The following SERINC5 variants were observed in gnomAD, a reference collection of about 807,000 sequenced individuals.
The protein encoded by SERINC5 is chromosome 5 open reading frame 12.
Under a neutral mutation model 63.1 loss-of-function variants are expected in SERINC5, and 41 were observed. That is an observed-to-expected ratio of 0.65 (90% confidence interval 0.51 to 0.84). SERINC5 has a LOEUF of 0.84. SERINC5 is among the 40% of genes least tolerant of loss of function. The pLI, the probability that SERINC5 is intolerant of heterozygous loss-of-function variation, is 0.00. For synonymous variants in SERINC5, 222 were observed against 215.2 expected (o/e 1.03, Z -0.28); for missense variants, 523 against 573.0 (o/e 0.91, Z 0.89).
intron 5 of SERINC5, among the ~76,000 whole-genome samples, chr5:80,169,845 A>G (rs1416332390): frequency 1.3e-5 from 2 of 152,258 alleles, no homozygotes; most frequent in East Asian, 3.9e-4. Flanking sequence ...TGTCAACCCA[A>G]ATGAGAGACT....
At chr5:80,155,339 C>A (rs1326760867) in intron 8 of SERINC5, among the ~76,000 whole-genome samples, 1 of 152,048 alleles carries the variant, frequency 6.6e-6, no homozygotes, top group African/African-American at 2.4e-5. Context: ...CCAAGGCGGG[C>A]GGATCACCTG....
At chr5:80,163,713 A>G (rs1347371023) in intron 7 of SERINC5, among the ~76,000 whole-genome samples, 4 of 152,204 alleles carry the variant, frequency 2.6e-5, no homozygotes, top group African/African-American at 9.6e-5. Context: ...CATCCATGGT[A>G]TAATACCCAC....
Position 80,158,862 on chromosome 5 carries a change from G to C in SERINC5, c.960C>G (p.Leu320=). The change falls in exon 8 of 12, where the codon CTC becomes CTG. Residue 320 remains leucine (L), a synonymous_variant. Coordinates refer to ENST00000507668, the MANE Select transcript of SERINC5 (RefSeq NM_001174072.3). ...ATGAATACAAGATACATCCGATTAAGAGGCTGGTCCCCAGTATAGTCACCA... is the reference window on the plus strand; with the variant it reads ...ATGAATACAAGATACATCCGATTAACAGGCTGGTCCCCAGTATAGTCACCA... ...ENLVTILGTS[L]LIGCILYSCL... The C allele has an allele frequency of 6.2e-7, 1 of 1,613,628 alleles. No homozygotes were observed. The highest frequency in any genetic ancestry group is 8.5e-7 in the Non-Finnish European group (1 of 1,179,784).
intron 9 of SERINC5, 26 bp downstream of exon 9, chr5:80,150,856 A>C (rs1254863763): frequency 2.6e-6 from 4 of 1,535,276 alleles, no homozygotes; most frequent in Non-Finnish European, 3.6e-6. Flanking sequence ...GAGATGAAGC[A>C]GGACAGGAAA....
intron 2 of SERINC5, among the ~76,000 whole-genome samples, chr5:80,182,427 T>C (rs919210203): frequency 6.6e-6 from 1 of 152,108 alleles, no homozygotes; most frequent in African/African-American, 2.4e-5. Flanking sequence ...CAGACGTTTA[T>C]TCACCATACA....
intron 4 of SERINC5, 139 bp downstream of exon 4, chr5:80,177,176 G>GT (rs1192346621): frequency 3.3e-4 from 205 of 616,368 alleles, no homozygotes; most frequent in Non-Finnish European, 4.9e-4. Context: ...GTATGGGCAG[G>GT]TAAGTCAGGA....
chr5:80,177,124 G>A (rs551386658), intron 4 of SERINC5, among the ~76,000 whole-genome samples, 191 bp downstream of exon 4: 177 of 152,284 alleles, frequency 1.2e-3, no homozygotes, highest in African/African-American at 4.1e-3. Flanking sequence ...AGTGGGATGC[G>A]GTGGTGAGAA....
rs754565194 is a variant in SERINC5, at chr5:80,138,737, CAGAT to C, written c.*4922_*4925del. On this transcript the variant is annotated 3_prime_UTR_variant, in exon 12 of 12. Transcript: ENST00000507668. Reference sequence around the variant, plus strand: ...TTTCAAAACATCATGTTGCACACCACAGATATATATCTTTTATTTGTCAATTAAA... The same window carrying C: ...TTTCAAAACATCATGTTGCACACCACATATATCTTTTATTTGTCAATTAAA... The C allele has an allele frequency of 2.1e-5, 17 of 823,344 alleles. No individual in the cohort carries two copies. Among genetic ancestry groups the C allele is most frequent in the Non-Finnish European group, 2.5e-5 (17 of 682,446 alleles). The allele number at this position is 823,344 out of a possible 1,614,324, so 51.0% of individuals were successfully genotyped here.
At position 80,238,405 on chromosome 5, in the gene SERINC5, T is replaced by C. The variant is rs143533435; in HGVS notation, c.27+17491A>G. On this transcript the variant is annotated intron_variant, in intron 1 of 11. Coordinates refer to ENST00000507668, the MANE Select transcript of SERINC5 (RefSeq NM_001174072.3). ...GCATAGAGCAGAACTTTCTGGAAAATAACTTAAACAACTGCTTGAGAGTTT... is the reference window on the plus strand; with the variant it reads ...GCATAGAGCAGAACTTTCTGGAAAACAACTTAAACAACTGCTTGAGAGTTT... 2.5e-4 allele frequency among the ~76,000 whole-genome samples: 38 copies of C among 152,188 alleles called. No homozygotes were observed. In the East Asian group the frequency reaches 6.6e-3, roughly 26 times the overall value.
At chr5:80,181,418 G>T (rs920006831) in intron 2 of SERINC5, among the ~76,000 whole-genome samples, 4 of 131,618 alleles carry the variant, frequency 3.0e-5, no homozygotes, top group Non-Finnish European at 5.4e-5. Context: ...AGCTAATTTT[G>T]TGTGTGTGTG....
chr5:80,209,628 C>T (rs959724712), intron 1 of SERINC5, among the ~76,000 whole-genome samples: 8 of 152,174 alleles, frequency 5.3e-5, no homozygotes, highest in Non-Finnish European at 1.0e-4. Flanking sequence ...GAGGAACAGG[C>T]CTAGATGTGG....
chr5:80,234,265 T>C (rs759355154), intron 1 of SERINC5, among the ~76,000 whole-genome samples: 5 of 152,236 alleles, frequency 3.3e-5, no homozygotes, highest in Admixed American at 2.6e-4. Flanking sequence ...TGACAAAGAC[T>C]GATCTGACAG....
At chr5:80,227,920 T>C (rs1049649129) in intron 1 of SERINC5, among the ~76,000 whole-genome samples, 1 of 151,704 alleles carries the variant, frequency 6.6e-6, no homozygotes, top group Non-Finnish European at 1.5e-5. Context: ...TTCTGGACTT[T>C]GGTTAAAAGT....
intron 6 of SERINC5, among the ~76,000 whole-genome samples, chr5:80,169,130 G>A (rs941327597): frequency 6.6e-6 from 1 of 152,098 alleles, no homozygotes. Flanking sequence ...GGTCTTTCTC[G>A]ACATGAGAAA....
downstream of SERINC5, among the ~76,000 whole-genome samples, chr5:80,134,455 C>A (rs745485184): frequency 3.9e-5 from 6 of 152,170 alleles, no homozygotes; most frequent in Non-Finnish European, 7.4e-5. Context: ...CACTGCACTC[C>A]AGCCTGGGTG....
At chr5:80,255,811 C>T in intron 1 of SERINC5, 85 bp downstream of exon 1, 3 of 1,404,482 alleles carry the variant, frequency 2.1e-6, no homozygotes, top group Non-Finnish European at 2.9e-6. Context: ...GAGCTGGGAG[C>T]GCACCCAGGC....
At chr5:80,165,190 T>TA (rs1441121995) in intron 7 of SERINC5, among the ~76,000 whole-genome samples, 1 of 152,004 alleles carries the variant, frequency 6.6e-6, no homozygotes, top group African/African-American at 2.4e-5. Flanking sequence ...AGAGTCAAGA[T>TA]AGAGTATTTA....
At chr5:80,147,370 A>C in intron 9 of SERINC5, 86 bp from the exon 10 acceptor site, 2 of 1,357,292 alleles carry the variant, frequency 1.5e-6, no homozygotes, top group Non-Finnish European at 2.0e-6. Context: ...TATTTGAACC[A>C]CCTCCCAGGC....
chr5:80,177,759 C>G, intron 3 of SERINC5, 127 bp downstream of exon 3: 1 of 749,546 alleles, frequency 1.3e-6, no homozygotes, highest in Non-Finnish European at 2.1e-6. Context: ...ATTCCACCTT[C>G]CCCTAAATCA....
Sources: allele counts gnomAD v4.1 joint callset (sites outside exome capture counted in the v4.1 genomes callset), GRCh38; gene constraint gnomAD v4.1.1; transcripts MANE v1.5; gene names NCBI Gene and HGNC (gene_info 2026-07-23, HGNC 2026-07-21).